The following CELF2 variants were observed in gnomAD, a reference collection of about 807,000 sequenced individuals.
CELF2 encodes the protein CUGBP Elav-like family member 2, also known as CUG triplet repeat RNA-binding protein 2.
A neutral mutation model predicts 62.6 loss-of-function variants in CELF2; 8 were observed. The observed-to-expected ratio is 0.13, with a 90% CI of 0.07 to 0.23. The LOEUF (loss-of-function observed/expected upper bound fraction) is 0.23. CELF2 is among the 10% of genes least tolerant of loss of function. CELF2 has a pLI of 1.00. For missense variants in CELF2, 333 were observed against 671.0 expected (o/e 0.50, Z 5.56); for synonymous variants, 258 against 250.0 (o/e 1.03, Z -0.30).
chr10:11,104,394 T>C (rs2052759715), intron 1 of CELF2, among the ~76,000 whole-genome samples: 1 of 152,210 alleles, frequency 6.6e-6, no homozygotes, highest in African/African-American at 2.4e-5. Flanking sequence ...TCCTGGACCC[T>C]AAGAAATACC....
At chr10:11,257,916 G>A (rs2079300712) in intron 5 of CELF2, 44 bp downstream of exon 5, 1 of 1,607,524 alleles carries the variant, frequency 6.2e-7, no homozygotes, top group Non-Finnish European at 8.5e-7. Flanking sequence ...AGTGCTAATT[G>A]GAGCTCTGTG....
chr10:11,250,936 G>A (rs918411721), intron 4 of CELF2, among the ~76,000 whole-genome samples: 2 of 152,150 alleles, frequency 1.3e-5, no homozygotes, highest in African/African-American at 4.8e-5. Flanking sequence ...TCACCCAGGC[G>A]GGCTCCTTTC....
chr10:10,538,268 GTCTGCCAGCA>G, the CELF2 span, among the ~76,000 whole-genome samples: 1 of 152,160 alleles, frequency 6.6e-6, no homozygotes, highest in Non-Finnish European at 1.5e-5. Context: ...CCTCCCTCTG[GTCTGCCAGCA>G]TCTGCCATTG....
the CELF2 span, among the ~76,000 whole-genome samples, chr10:10,744,680 T>C: frequency 1.3e-5 from 2 of 152,118 alleles, no homozygotes; most frequent in Non-Finnish European, 2.9e-5. Context: ...AAAATGATTC[T>C]GCTTTTTTTT....
At chr10:10,586,323 G>C in the CELF2 span, among the ~76,000 whole-genome samples, 5 of 152,170 alleles carry the variant, frequency 3.3e-5, 1 homozygote, top group Non-Finnish European at 2.9e-5. Context: ...AAAAGGCCAT[G>C]TTTGACCCTC....
At position 11,330,125 on chromosome 10, in the gene CELF2, TTATTTTGTTTGTAACTTCCATTATC is replaced by T. The variant is rs2095966348; in HGVS notation, c.*1075_*1099del. 6.6e-6 allele frequency: 1 copy of T among 152,648 alleles called. No homozygotes were observed. The highest frequency in any genetic ancestry group is 2.4e-5 in the African/African-American group (1 of 41,450). The allele number at this position is 152,648 out of a possible 1,614,324, so 9.5% of individuals were successfully genotyped here. On this transcript the variant is annotated 3_prime_UTR_variant, in exon 13 of 13. Transcript: ENST00000633077. This position sits in a 1 kb window ranked among gnomAD's most constrained non-coding sequence, Gnocchi z 4.5. ...CCTCTCGTTGTTTGTATCTGTCTGA[TTATTTTGTTTGTAACTTCCATTATC>T]TAGTTTACAGTTCAGTCGTCTGACT...
At chr10:10,762,554 A>T in the CELF2 span, among the ~76,000 whole-genome samples, 1 of 152,282 alleles carries the variant, frequency 6.6e-6, no homozygotes, top group East Asian at 1.9e-4. Flanking sequence ...ATCGAATTCA[A>T]ACTAACGCTC....
chr10:11,234,655 C>T (rs1385296719), intron 3 of CELF2, among the ~76,000 whole-genome samples: 2 of 126,096 alleles, frequency 1.6e-5, no homozygotes, highest in East Asian at 4.6e-4. Context: ...GCACTCCAGC[C>T]TGGGTGACAG....
the CELF2 span, among the ~76,000 whole-genome samples, chr10:10,616,717 TGTGAGAGAGA>T: frequency 5.8e-5 from 8 of 138,786 alleles, no homozygotes; most frequent in South Asian, 2.5e-4. Flanking sequence ...TGTGTGTGTG[TGTGAGAGAGA>T]GAGAGAGAGA....
intron 1 of CELF2, among the ~76,000 whole-genome samples, chr10:11,102,356 A>G (rs1425867162): frequency 6.6e-6 from 1 of 152,268 alleles, no homozygotes; most frequent in East Asian, 1.9e-4. Flanking sequence ...TATAAGAAAC[A>G]AATTTAAACA....
Position 10,931,910 on chromosome 10 carries a change from G to A in CELF2, c.89+11911G>A, listed in dbSNP as rs966396652. On this transcript the variant is annotated intron_variant, in intron 2 of 13. Transcript: ENST00000636488. This position sits in a 1 kb window ranked among gnomAD's most constrained non-coding sequence, Gnocchi z 6.1. The stretch of plus-strand genomic sequence containing the variant: ...GATCAAAGTCATGTCTTACATGGTG[G>A]CTGGCAAGAGAACTTGTGCAGGGGA... 6.6e-6 allele frequency among the ~76,000 whole-genome samples: 1 copy of A among 152,134 alleles called. No individual in the cohort carries two copies. The highest frequency in any genetic ancestry group is 1.5e-5 in the Non-Finnish European group (1 of 68,032).
the CELF2 span, among the ~76,000 whole-genome samples, chr10:10,567,011 T>C: frequency 6.6e-6 from 1 of 152,304 alleles, no homozygotes; most frequent in East Asian, 1.9e-4. Flanking sequence ...TATTGAAGTA[T>C]TGCTCACATC....
At chr10:11,097,739 T>A (rs1294980186) in intron 1 of CELF2, among the ~76,000 whole-genome samples, 1 of 152,210 alleles carries the variant, frequency 6.6e-6, no homozygotes, top group Non-Finnish European at 1.5e-5. Flanking sequence ...TACCTGAGTT[T>A]CTACGGGGTT....
Position 11,288,513 on chromosome 10 carries a change from T to C in CELF2, c.937T>C (p.Ser313Pro). 6.2e-7 allele frequency: 1 copy of C among 1,613,948 alleles called. No homozygotes were observed. Among genetic ancestry groups the C allele is most frequent in the Non-Finnish European group, 8.5e-7 (1 of 1,180,018 alleles). The stretch of plus-strand genomic sequence containing the variant: ...CACCAGCACCAATGCAAACCCTCTC[T>C]CTACCACGAGCAGCGCCCTGGGAGC... ...SATSTNANPL[S>P]TTSSALGALT... Residue 313 changes from serine to proline, a missense_variant, in exon 9 of 13, where the codon TCT becomes CCT. Ser to Pro is a moderately conservative substitution (Grantham distance 74, BLOSUM62 -1). Around this residue, in one of 3 missense-constraint regions of CELF2, gnomAD observed 253 missense variants for 503.0 expected, o/e 0.50. Transcript: ENST00000633077.
chr10:10,944,466 T>C (rs1338242789), intron 2 of CELF2: 3 of 152,366 alleles, frequency 2.0e-5, no homozygotes, highest in Non-Finnish European at 4.4e-5. Flanking sequence ...GTGGAGTGGA[T>C]TTGAAATGAG....
the CELF2 span, among the ~76,000 whole-genome samples, chr10:10,718,251 T>C: frequency 2.0e-5 from 3 of 152,192 alleles, no homozygotes; most frequent in Non-Finnish European, 4.4e-5. Flanking sequence ...AGACCACTAG[T>C]GAATTTGAAC....
At chr10:11,148,467 T>G (rs959069271) in intron 1 of CELF2, among the ~76,000 whole-genome samples, 1 of 152,214 alleles carries the variant, frequency 6.6e-6, no homozygotes, top group Non-Finnish European at 1.5e-5. Flanking sequence ...CTGTAAATAA[T>G]TGAAGCTGAG....
intron 2 of CELF2, among the ~76,000 whole-genome samples, chr10:11,209,811 T>A (rs1356191067): frequency 1.3e-5 from 2 of 152,118 alleles, no homozygotes. Context: ...ATTAAATTCT[T>A]CTCCAAGTGG....
At chr10:11,172,800 C>G (rs2069378883) in intron 2 of CELF2, among the ~76,000 whole-genome samples, 1 of 152,240 alleles carries the variant, frequency 6.6e-6, no homozygotes, top group South Asian at 2.1e-4. Context: ...TCTCTTCTGT[C>G]TGGGGCATTA....
Sources: allele counts gnomAD v4.1 joint callset (sites outside exome capture counted in the v4.1 genomes callset), GRCh38; gene constraint gnomAD v4.1.1; regional missense constraint gnomAD v4.1.1; non-coding constraint Gnocchi (gnomAD v3.1); transcripts MANE v1.5; gene names NCBI Gene and HGNC (gene_info 2026-07-23, HGNC 2026-07-21).